The following DTL variants were observed in gnomAD, a reference collection of about 807,000 sequenced individuals.
The protein encoded by DTL is denticleless protein homolog.
DTL carries 46 observed loss-of-function variants against 87.0 expected under a neutral mutation model. That is an observed-to-expected ratio of 0.53 (90% CI 0.42 to 0.68). DTL has a LOEUF of 0.68. Ranked by LOEUF, DTL falls within the 30% of genes least tolerant of loss-of-function variation. The pLI is 0.00. For missense variants in DTL, 737 were observed against 869.4 expected (o/e 0.85, Z 1.91); for synonymous variants, 308 against 311.2 (o/e 0.99, Z 0.11).
At chr1:212,088,278 G>A (rs537671092) in intron 13 of DTL, among the ~76,000 whole-genome samples, 1 of 152,310 alleles carries the variant, frequency 6.6e-6, no homozygotes, top group South Asian at 2.1e-4. Context: ...AAGTCAGCAG[G>A]ATAATTATAG....
At chr1:212,056,817 T>C (rs1668191751) in intron 5 of DTL, among the ~76,000 whole-genome samples, 1 of 152,116 alleles carries the variant, frequency 6.6e-6, no homozygotes, top group Non-Finnish European at 1.5e-5. Flanking sequence ...AGCTAAATTC[T>C]GGAACTACAG....
rs143436637 is a variant in DTL, at chr1:212,084,345, C to T, written c.1261+3595C>T. ...GAATTACAGGCGTGTGCCACCATGC[C>T]CAGCTAATTTTTGTATTTTTAGTAG... On this transcript the variant is annotated intron_variant, in intron 13 of 14. Coordinates refer to ENST00000366991, the MANE Select transcript of DTL (RefSeq NM_016448.4). Among the ~76,000 whole-genome samples, 569 of 151,990 alleles carry T rather than the reference C, an allele frequency of 3.7e-3. 5 individuals carry two copies. The highest frequency in any genetic ancestry group is 0.013 in the African/African-American group (533 of 41,454).
chr1:212,080,182 G>A (rs545302172), intron 12 of DTL, among the ~76,000 whole-genome samples: 34 of 152,262 alleles, frequency 2.2e-4, no homozygotes, highest in Non-Finnish European at 4.1e-4. Context: ...CTTGCAAATG[G>A]TGCCATTACT....
intron 1 of DTL, among the ~76,000 whole-genome samples, chr1:212,039,332 T>A: frequency 6.6e-6 from 1 of 152,304 alleles, no homozygotes; most frequent in East Asian, 1.9e-4. Context: ...AGGAATTATT[T>A]AATTATCTCT....
rs534805445 is a variant in DTL at position 212,050,996 on chromosome 1, C to T, written c.460+3579C>T. ...TGCTTAGAATCTGTGATATCCCACTCCCTCTGGTACTCCTTCTGTCCTTCT... is the reference window on the plus strand; with the variant it reads ...TGCTTAGAATCTGTGATATCCCACTTCCTCTGGTACTCCTTCTGTCCTTCT... On this transcript the variant is annotated intron_variant, in intron 5 of 14. Transcript: ENST00000366991. Among the ~76,000 whole-genome samples the T allele has an allele frequency of 8.5e-5, 13 of 152,172 alleles. No homozygotes were observed. The East Asian group carries it at 2.5e-3, about 29-fold the overall frequency.
intron 1 of DTL, among the ~76,000 whole-genome samples, chr1:212,038,264 G>A (rs923455359): frequency 3.3e-5 from 5 of 152,198 alleles, no homozygotes; most frequent in African/African-American, 4.8e-5. Context: ...ACAGTATAAC[G>A]AAATGACATT....
intron 13 of DTL, among the ~76,000 whole-genome samples, chr1:212,096,807 G>A (rs971844590): frequency 1.5e-4 from 23 of 152,052 alleles, no homozygotes; most frequent in African/African-American, 5.6e-4. Context: ...TCTCTATCTT[G>A]GAGAATGTTC....
At chr1:212,066,124 A>G (rs1040120237) in intron 7 of DTL, among the ~76,000 whole-genome samples, 1 of 152,192 alleles carries the variant, frequency 6.6e-6, no homozygotes, top group African/African-American at 2.4e-5. Flanking sequence ...TCTTTAAAAA[A>G]TTGCCCTTTT....
In DTL at chr1:212,044,700, AG is replaced by A; in HGVS notation, c.221del (p.Gly74AlafsTer54). 1 of 1,613,598 alleles carries A rather than the reference AG, an allele frequency of 6.2e-7. No individual in the cohort carries two copies. The highest frequency in any genetic ancestry group is 8.5e-7 in the Non-Finnish European group (1 of 1,179,630). On this transcript the variant is annotated frameshift_variant, in exon 3 of 15. Coordinates refer to ENST00000366991, the MANE Select transcript of DTL (RefSeq NM_016448.4). LOFTEE classifies it high-confidence loss of function. ...ATGTACTAGCAGTTGCCAATGAAGAAGGCTTTGTTCGATTGTATAACACAGA... is the reference window on the plus strand; with the variant it reads ...ATGTACTAGCAGTTGCCAATGAAGAAGCTTTGTTCGATTGTATAACACAGA... ...EHVLAVANEE[G>X]FVRLYNTESQ...
chr1:212,060,086 G>T (rs1360134654), intron 5 of DTL, among the ~76,000 whole-genome samples: 3 of 151,968 alleles, frequency 2.0e-5, no homozygotes. Flanking sequence ...TTTTTAAAAT[G>T]GCCATACTAC....
chr1:212,046,881 G>A (rs2970591), intron 3 of DTL, among the ~76,000 whole-genome samples: 7,013 of 152,246 alleles, frequency 0.046, 225 homozygotes, highest in African/African-American at 0.084. Flanking sequence ...CTTCCACAAC[G>A]GTTGAATTAA....
At chr1:212,064,846 GT>G in intron 6 of DTL, 70 bp from the exon 7 acceptor site, 3 of 1,297,088 alleles carry the variant, frequency 2.3e-6, no homozygotes, top group Non-Finnish European at 3.3e-6. Flanking sequence ...TAATATTGAA[GT>G]TTTATTTACA....
At chr1:212,038,219 A>G (rs1242752664) in intron 1 of DTL, among the ~76,000 whole-genome samples, 1 of 152,236 alleles carries the variant, frequency 6.6e-6, no homozygotes, top group Non-Finnish European at 1.5e-5. Context: ...CACACGGCCA[A>G]TGGCCTCAAA....
At chr1:212,055,755 C>G (rs1010454757) in intron 5 of DTL, among the ~76,000 whole-genome samples, 11 of 152,196 alleles carry the variant, frequency 7.2e-5, no homozygotes, top group Admixed American at 6.5e-5. Flanking sequence ...ATCACCCCAC[C>G]CCTGCCTTCC....
At chr1:212,045,665 G>A (rs924370553) in intron 3 of DTL, among the ~76,000 whole-genome samples, 9 of 152,190 alleles carry the variant, frequency 5.9e-5, no homozygotes, top group Admixed American at 5.9e-4. Context: ...GGGCATTTGA[G>A]TTGGATTATG....
chr1:212,052,146 T>TA, intron 5 of DTL: 10 of 647,026 alleles, frequency 1.5e-5, no homozygotes, highest in Non-Finnish European at 2.7e-5. Context: ...CTGTGGTTGT[T>TA]AAAATCATTT....
Position 212,035,773 on chromosome 1 carries a change from T to C in DTL, c.-118T>C, listed in dbSNP as rs377222218. On this transcript the variant is annotated 5_prime_UTR_variant, in exon 1 of 15. Coordinates refer to ENST00000366991, the MANE Select transcript of DTL (RefSeq NM_016448.4). The stretch of plus-strand genomic sequence containing the variant: ...GGAGTTTGGCGGCCGGGGCTTACAG[T>C]GGCGGGAGTTGGAGGCGATAACGAT... 6.7e-4 allele frequency: 642 copies of C among 951,432 alleles called. 7 individuals carry two copies. In the East Asian group the frequency reaches 0.011, roughly 17 times the overall value. 58.9% of individuals were successfully genotyped at this position (951,432 alleles called of 1,614,324 possible).
At chr1:212,088,445 G>A (rs990594304) in intron 13 of DTL, among the ~76,000 whole-genome samples, 2 of 152,190 alleles carry the variant, frequency 1.3e-5, no homozygotes, top group African/African-American at 2.4e-5. Flanking sequence ...TCACAGTCTA[G>A]TCTAGGAGGC....
At chr1:212,068,731 T>TA (rs781442911) in intron 10 of DTL, 28 bp downstream of exon 10, 1 of 1,445,734 alleles carries the variant, frequency 6.9e-7, no homozygotes, top group Non-Finnish European at 9.6e-7. Flanking sequence ...CAAATTCTCT[T>TA]ACCAGGAAAG....
Sources: allele counts gnomAD v4.1 joint callset (sites outside exome capture counted in the v4.1 genomes callset), GRCh38; gene constraint gnomAD v4.1.1; transcripts MANE v1.5; gene names NCBI Gene and HGNC (gene_info 2026-07-23, HGNC 2026-07-21).